Variants in LONRF2 observed in about 807,000 individuals in gnomAD.
LONRF2 encodes the protein LON peptidase N-terminal domain and ring finger 2, also known as LON peptidase N-terminal domain and RING finger protein 2.
In LONRF2, 35 loss-of-function variants were observed where a neutral mutation model predicts 66.6. The observed-to-expected ratio is 0.53, with a 90% CI of 0.40 to 0.70. LONRF2 has a LOEUF of 0.70. LONRF2 is among the 30% of genes least tolerant of loss of function. The probability of loss-of-function intolerance (pLI) is 0.00; values close to 1 mark genes in which losing one functional copy is unlikely to be tolerated. For synonymous variants in LONRF2, 417 were observed against 418.1 expected, an observed-to-expected ratio of 1.00 and a Z score of 0.03; for missense variants, 902 against 1,002.1, an observed-to-expected ratio of 0.90 and a Z score of 1.35.
At chr2:100,319,440 C>T (rs1488153433) in intron 1 of LONRF2, among the ~76,000 whole-genome samples, 1 of 152,096 alleles carries the variant, frequency 6.6e-6, no homozygotes, top group African/African-American at 2.4e-5. Flanking sequence ...GTATCCATCC[C>T]CTAAATCATG....
chr2:100,272,851 C>A lies in LONRF2; in HGVS notation c.*11447G>T, dbSNP rs1023049503. ...TTTAAAAGTAATTATGGTTTTAAGC[C>A]AAAGCCATTGGCAGCCCTCTTTCCT... On this transcript the variant is annotated 3_prime_UTR_variant, in exon 12 of 12. Transcript: ENST00000393437. Among the ~76,000 whole-genome samples, 1 of 152,156 alleles carries A rather than the reference C, an allele frequency of 6.6e-6. No homozygotes were observed. Among genetic ancestry groups the A allele is most frequent in the South Asian group, 2.1e-4 (1 of 4,814 alleles).
rs762565453 is a variant in LONRF2, at chr2:100,302,886, A to T, written c.921+35T>A. Reference sequence around the variant, plus strand: ...CATGGACATGAAGGCTATAAATAAGACCTGATAGAGAAAGTCCTTTAACAG... The same window carrying T: ...CATGGACATGAAGGCTATAAATAAGTCCTGATAGAGAAAGTCCTTTAACAG... On this transcript the variant is annotated intron_variant, in intron 3 of 11. Coordinates refer to ENST00000393437, the MANE Select transcript of LONRF2 (RefSeq NM_198461.4). 5.2e-6 allele frequency: 8 copies of T among 1,538,968 alleles called. No individual in the cohort carries two copies. In the South Asian group the frequency reaches 1.0e-4, roughly 20 times the overall value.
In LONRF2 at chr2:100,274,513, G is replaced by A. The variant is rs1026331703; in HGVS notation, c.*9785C>T. 4.6e-5 allele frequency: 7 copies of A among 152,240 alleles called. No individual in the cohort carries two copies. Among genetic ancestry groups the A allele is most frequent in the African/African-American group, 1.7e-4 (7 of 41,448 alleles). The allele number at this position is 152,240 out of a possible 1,614,324, so 9.4% of individuals were successfully genotyped here. A position where few individuals can be genotyped will look rare whatever the true frequency, so the allele number is the denominator to read the frequency against. ...CATCTTGGGGACCTCACTGACTGGG[G>A]AGAGACTGCCCTTCCCAGGGCAGGC... On this transcript the variant is annotated 3_prime_UTR_variant, in exon 12 of 12. Coordinates refer to ENST00000393437, the MANE Select transcript of LONRF2 (RefSeq NM_198461.4).
At chr2:100,313,140 T>G (rs1446146140) in intron 1 of LONRF2, among the ~76,000 whole-genome samples, 9 of 152,224 alleles carry the variant, frequency 5.9e-5, no homozygotes, top group Non-Finnish European at 1.5e-5. Flanking sequence ...CTAGGGTTAC[T>G]GCTATAAAAT....
intron 1 of LONRF2, among the ~76,000 whole-genome samples, chr2:100,310,059 A>G (rs1260602267): frequency 2.0e-5 from 3 of 151,572 alleles, no homozygotes; most frequent in Non-Finnish European, 4.4e-5. Flanking sequence ...GAGGGAAAGG[A>G]AAAAAAAACT....
Position 100,273,372 on chromosome 2 carries a change from G to C in LONRF2, c.*10926C>G, listed in dbSNP as rs985984926. On this transcript the variant is annotated 3_prime_UTR_variant, in exon 12 of 12. Coordinates refer to ENST00000393437, the MANE Select transcript of LONRF2 (RefSeq NM_198461.4). ...TACATCCCTACGACACAAACACAAAGGCCTAGGCACTGATTTGATCTAATT... is the reference window on the plus strand; with the variant it reads ...TACATCCCTACGACACAAACACAAACGCCTAGGCACTGATTTGATCTAATT... 6.6e-6 allele frequency: 1 copy of C among 152,194 alleles called. No homozygotes were observed. The highest frequency in any genetic ancestry group is 2.4e-5 in the African/African-American group (1 of 41,454). The allele number at this position is 152,194 out of a possible 1,614,324, so 9.4% of individuals were successfully genotyped here.
At chr2:100,309,410 G>A (rs1170231640) in intron 1 of LONRF2, 185 bp from the exon 2 acceptor site, 2 of 324,200 alleles carry the variant, frequency 6.2e-6, no homozygotes, top group African/African-American at 4.3e-5. Flanking sequence ...TTAGAGTTTA[G>A]TTATTTGATA....
intron 2 of LONRF2, among the ~76,000 whole-genome samples, 156 bp downstream of exon 2, chr2:100,308,951 C>T (rs1293415271): frequency 6.6e-6 from 1 of 152,130 alleles, no homozygotes; most frequent in Non-Finnish European, 1.5e-5. Context: ...AATTAGGTTG[C>T]TTTAGTGTGA....
chr2:100,296,755 T>C (rs927566847), intron 7 of LONRF2, among the ~76,000 whole-genome samples: 1 of 152,152 alleles, frequency 6.6e-6, no homozygotes, highest in Non-Finnish European at 1.5e-5. Flanking sequence ...ACATAGGTAT[T>C]TAATAAATGG....
At chr2:100,291,324 T>C (rs975425475) in intron 9 of LONRF2, among the ~76,000 whole-genome samples, 1 of 152,088 alleles carries the variant, frequency 6.6e-6, no homozygotes, top group African/African-American at 2.4e-5. Flanking sequence ...TGCCCTGCAG[T>C]GAGGCAGGCT....
In LONRF2 at chr2:100,286,888, T is replaced by C. The variant is rs1424954559; in HGVS notation, c.2070+26A>G. ...CACACTACAGCAGGAAGTAACAGAA[T>C]TATAAAGGAAAAAGGGAGGGCATAC... On this transcript the variant is annotated intron_variant, in intron 11 of 11. Coordinates refer to ENST00000393437, the MANE Select transcript of LONRF2 (RefSeq NM_198461.4). 3 of 1,608,154 alleles carry C rather than the reference T, an allele frequency of 1.9e-6. No homozygotes were observed. The Admixed American group carries it at 5.0e-5, about 27-fold the overall frequency.
intron 2 of LONRF2, 118 bp from the exon 3 acceptor site, chr2:100,303,161 A>G: frequency 9.2e-7 from 1 of 1,087,150 alleles, no homozygotes; most frequent in Non-Finnish European, 1.3e-6. Flanking sequence ...CATTACATAG[A>G]ATAAACAAAG....
In LONRF2 at chr2:100,295,502, A is replaced by T; in HGVS notation, c.1528T>A (p.Phe510Ile). 6.2e-7 allele frequency: 1 copy of T among 1,613,778 alleles called. No homozygotes were observed. ...NITVLAEELI[F>I]RYLPDELSDR... Reference sequence around the variant, plus strand: ...GACAATTCATCCGGCAAATATCGAAATATTAATTCTTCGGCCAGAACAGTT... The same window carrying T: ...GACAATTCATCCGGCAAATATCGAATTATTAATTCTTCGGCCAGAACAGTT... Residue 510 changes from phenylalanine to isoleucine, a missense_variant, in exon 8 of 12, where the codon TTT (phenylalanine) becomes ATT (isoleucine). Phe to Ile is a conservative substitution (Grantham distance 21, BLOSUM62 0). Transcript: ENST00000393437.
At chr2:100,302,536 A>G (rs1446346273) in intron 3 of LONRF2, among the ~76,000 whole-genome samples, 1 of 152,254 alleles carries the variant, frequency 6.6e-6, no homozygotes, top group African/African-American at 2.4e-5. Context: ...GTATTTCTGC[A>G]CTATGCTGGT....
At chr2:100,287,418 CA>C (rs1177091827) in intron 10 of LONRF2, among the ~76,000 whole-genome samples, 3 of 152,068 alleles carry the variant, frequency 2.0e-5, no homozygotes, top group Non-Finnish European at 4.4e-5. Context: ...AAAAATAACA[CA>C]ATAATATAAA....
rs955973586 is a variant in LONRF2 at position 100,273,534 on chromosome 2, A to G, written c.*10764T>C. 2 of 152,254 alleles carry G rather than the reference A, an allele frequency of 1.3e-5. No individual in the cohort carries two copies. The highest frequency in any genetic ancestry group is 2.4e-5 in the African/African-American group (1 of 41,462). The allele number at this position is 152,254 out of a possible 1,614,324, so 9.4% of individuals were successfully genotyped here. On this transcript the variant is annotated 3_prime_UTR_variant, in exon 12 of 12. Coordinates refer to ENST00000393437, the MANE Select transcript of LONRF2 (RefSeq NM_198461.4). Reference sequence around the variant, plus strand: ...ATTGAAATGAACAGTACAAGAATACATGAAGTAAATATCATAACATTTAAG... The same window carrying G: ...ATTGAAATGAACAGTACAAGAATACGTGAAGTAAATATCATAACATTTAAG...
intron 2 of LONRF2, among the ~76,000 whole-genome samples, chr2:100,308,246 T>G (rs2105731879): frequency 6.6e-6 from 1 of 152,224 alleles, no homozygotes; most frequent in African/African-American, 2.4e-5. Flanking sequence ...AGCACGCACC[T>G]GTAGTCCCAG....
chr2:100,321,791 G>GCCGC lies in LONRF2; in HGVS notation c.299_302dup (p.Leu102ArgfsTer52). 9.4e-7 allele frequency: 1 copy of GCCGC among 1,058,992 alleles called. No individual in the cohort carries two copies. The allele number at this position is 1,058,992 out of a possible 1,614,324, so 65.6% of individuals were successfully genotyped here. On this transcript the variant is annotated frameshift_variant, in exon 1 of 12. Transcript: ENST00000393437. LOFTEE classifies it high-confidence loss of function. ...CGCGCAGGCCCACGGCGCGCACCAG[G>GCCGC]CCGCCCGCCAGCTCTTCCAGCTCCT... is the stretch of plus-strand genomic sequence containing the variant.
rs1346122481 is a variant in LONRF2 at position 100,309,169 on chromosome 2, T to C, written c.736A>G (p.Asn246Asp). The C allele has an allele frequency of 6.2e-7, 1 of 1,609,128 alleles. No individual in the cohort carries two copies. The highest frequency in any genetic ancestry group is 8.5e-7 in the Non-Finnish European group (1 of 1,178,574). Residue 246 changes from asparagine (N) to aspartate (D), a missense_variant, in exon 2 of 12, where the codon AAC (asparagine) becomes GAC (aspartate). Asn to Asp is a conservative substitution (Grantham distance 23, BLOSUM62 1). Around this residue, in one of 2 missense-constraint regions of LONRF2, gnomAD observed 585 missense variants for 569.9 expected, o/e 1.03. Transcript: ENST00000393437. ...LRAELYLTMK[N>D]YEQALQDASA... ...GCATCTTGGAGAGCTTGCTCATAGTTCTTCATGGTCAAATATAACTCCGCC... is the reference window on the plus strand; with the variant it reads ...GCATCTTGGAGAGCTTGCTCATAGTCCTTCATGGTCAAATATAACTCCGCC...
Sources: gnomAD v4.1 joint callset for allele counts (sites outside exome capture counted in the v4.1 genomes callset) on GRCh38, gnomAD v4.1.1 for gene constraint, gnomAD v4.1.1 regional missense constraint, MANE v1.5 for transcripts, NCBI Gene and HGNC (gene_info 2026-07-23, HGNC 2026-07-21) for gene names.